MEOX2: variants seen among roughly 807,000 people sequenced by gnomAD.
MEOX2 encodes homeobox protein MOX-2.
Under a neutral mutation model 27.0 loss-of-function variants are expected in MEOX2, and 11 were observed. The observed-to-expected ratio is 0.41, with a 90% CI of 0.26 to 0.68. MEOX2 has a LOEUF of 0.68. Ranked by LOEUF, MEOX2 falls within the 30% of genes least tolerant of loss-of-function variation. The pLI is 0.33. For missense variants in MEOX2, 436 were observed against 385.4 expected (o/e 1.13, Z -1.10); for synonymous variants, 189 against 155.4 (o/e 1.22, Z -1.61).
intron 1 of MEOX2, among the ~76,000 whole-genome samples, chr7:15,653,561 T>C (rs1024301669): frequency 4.6e-5 from 7 of 152,006 alleles, no homozygotes; most frequent in Non-Finnish European, 1.0e-4. Flanking sequence ...CCAAGCTCTA[T>C]GGATTCAAAA....
chr7:15,650,620 T>C (rs938231316), intron 1 of MEOX2, among the ~76,000 whole-genome samples: 2 of 152,086 alleles, frequency 1.3e-5, no homozygotes, highest in African/African-American at 4.8e-5. Flanking sequence ...GGCACAAAGA[T>C]AAATGAGAAA....
intron 1 of MEOX2, chr7:15,677,554 G>C (rs1348872773): frequency 6.6e-6 from 1 of 152,188 alleles, no homozygotes; most frequent in African/African-American, 2.4e-5. Context: ...ATGAAGACAG[G>C]TTACTGGATG....
chr7:15,628,407 G>T (rs2115361546), intron 1 of MEOX2, among the ~76,000 whole-genome samples: 1 of 152,148 alleles, frequency 6.6e-6, no homozygotes, highest in Middle Eastern at 3.4e-3. Context: ...CAACACCTTG[G>T]CACACTGACC....
intron 1 of MEOX2, among the ~76,000 whole-genome samples, chr7:15,652,529 T>A (rs932323705): frequency 2.6e-5 from 4 of 152,070 alleles, no homozygotes; most frequent in African/African-American, 9.6e-5. Context: ...TGGCCCATTA[T>A]AAATAGTAAA....
intron 1 of MEOX2, among the ~76,000 whole-genome samples, chr7:15,633,089 G>T (rs1781426481): frequency 6.6e-6 from 1 of 151,824 alleles, no homozygotes; most frequent in African/African-American, 2.4e-5. Flanking sequence ...TTCTTACAAT[G>T]CTTACCACAT....
intron 1 of MEOX2, among the ~76,000 whole-genome samples, chr7:15,670,723 C>T (rs1782081561): frequency 6.6e-6 from 1 of 152,120 alleles, no homozygotes. Context: ...ATAATTGATG[C>T]TGAGCATATA....
At chr7:15,650,358 T>TTCAGCATC (rs1163521897) in intron 1 of MEOX2, among the ~76,000 whole-genome samples, 1 of 152,060 alleles carries the variant, frequency 6.6e-6, no homozygotes, top group Non-Finnish European at 1.5e-5. Flanking sequence ...CTGCACCAGA[T>TTCAGCATC]TCAGCATCTT....
At chr7:15,678,177 A>C (rs1397694226) in intron 1 of MEOX2, among the ~76,000 whole-genome samples, 1 of 152,160 alleles carries the variant, frequency 6.6e-6, no homozygotes, top group Non-Finnish European at 1.5e-5. Flanking sequence ...TTATACTTCA[A>C]ATAAGAAAAA....
intron 1 of MEOX2, among the ~76,000 whole-genome samples, chr7:15,629,808 G>A (rs117881869): frequency 0.016 from 2,419 of 151,988 alleles, 24 homozygotes; most frequent in Middle Eastern, 0.031. Context: ...CCTATCACTT[G>A]CTGACCCTAA....
chr7:15,671,616 T>C (rs1782099247), intron 1 of MEOX2, among the ~76,000 whole-genome samples: 1 of 152,166 alleles, frequency 6.6e-6, no homozygotes, highest in African/African-American at 2.4e-5. Flanking sequence ...TATCAGTGTC[T>C]CATAACTACA....
intron 1 of MEOX2, among the ~76,000 whole-genome samples, chr7:15,645,375 C>G (rs898612134): frequency 3.3e-5 from 5 of 152,096 alleles, no homozygotes; most frequent in African/African-American, 1.2e-4. Context: ...TATGACAAAT[C>G]TAAAGCATTG....
intron 2 of MEOX2, among the ~76,000 whole-genome samples, chr7:15,621,857 G>A (rs1156253821): frequency 6.6e-6 from 1 of 152,164 alleles, no homozygotes; most frequent in Non-Finnish European, 1.5e-5. Flanking sequence ...CATGGCTCAA[G>A]CCCGTAATCT....
intron 1 of MEOX2, among the ~76,000 whole-genome samples, chr7:15,654,208 G>A (rs187613774): frequency 1.3e-4 from 19 of 151,928 alleles, no homozygotes; most frequent in African/African-American, 4.6e-4. Context: ...TGTGTTAATT[G>A]CCAGTTAACA....
Position 15,626,095 on chromosome 7 carries a change from CA to C in MEOX2, c.690+650del, listed in dbSNP as rs557897715. Among the ~76,000 whole-genome samples, 503 of 152,172 alleles carry C rather than the reference CA, an allele frequency of 3.3e-3. 3 individuals are homozygous for C. The highest frequency in any genetic ancestry group is 0.012 in the African/African-American group (483 of 41,522). ...AGCCGCACCATTTGACTATTCTAGA[CA>C]TTAGTGTGTAAATAGAAGTGACATG... On this transcript the variant is annotated intron_variant, in intron 2 of 2. Coordinates refer to ENST00000262041, the MANE Select transcript of MEOX2 (RefSeq NM_005924.5).
chr7:15,641,953 C>A (rs1276553487), intron 1 of MEOX2, among the ~76,000 whole-genome samples: 2 of 152,104 alleles, frequency 1.3e-5, no homozygotes, highest in East Asian at 3.9e-4. Flanking sequence ...TCTCTTCTGG[C>A]CTGTAAAATC....
chr7:15,634,663 C>A (rs1781454781), intron 1 of MEOX2, among the ~76,000 whole-genome samples: 1 of 151,916 alleles, frequency 6.6e-6, no homozygotes, highest in African/African-American at 2.4e-5. Context: ...TTCAGTTATA[C>A]AACTCTTTTT....
intron 2 of MEOX2, among the ~76,000 whole-genome samples, chr7:15,624,520 C>T (rs1360610177): frequency 2.6e-5 from 4 of 152,154 alleles, no homozygotes; most frequent in African/African-American, 9.7e-5. Context: ...AAAGCCCTTG[C>T]TCACCGGAGT....
At chr7:15,651,358 G>C (rs987017107) in intron 1 of MEOX2, among the ~76,000 whole-genome samples, 9 of 151,768 alleles carry the variant, frequency 5.9e-5, no homozygotes, top group African/African-American at 1.7e-4. Context: ...GTTAACTCTG[G>C]CATGTTCTTA....
At position 15,612,578 on chromosome 7, in the gene MEOX2, A is replaced by C; in HGVS notation, c.724T>G (p.Trp242Gly). ...TGCTGTCCACCCTTTACCCTCTTCC[A>C]CTTCATCCGCCTGTTTTGGAACCAG... ...KVWFQNRRMK[W>G]KRVKGGQQGA... Residue 242 changes from tryptophan (W) to glycine (G), a missense_variant, in exon 3 of 3, where the codon TGG becomes GGG. By Grantham distance (184) the Trp-to-Gly change is radical. Coordinates refer to ENST00000262041, the MANE Select transcript of MEOX2 (RefSeq NM_005924.5). 6.2e-7 allele frequency: 1 copy of C among 1,614,020 alleles called. No individual in the cohort carries two copies. The highest frequency in any genetic ancestry group is 8.5e-7 in the Non-Finnish European group (1 of 1,180,014).
Sources: allele counts gnomAD v4.1 joint callset (sites outside exome capture counted in the v4.1 genomes callset), GRCh38; gene constraint gnomAD v4.1.1; transcripts MANE v1.5; gene names NCBI Gene and HGNC (gene_info 2026-07-23, HGNC 2026-07-21).